Variants in CDH20 observed in about 807,000 individuals in gnomAD.
CDH20 encodes cadherin 20.
In CDH20, 29 loss-of-function variants were observed where a neutral mutation model predicts 74.2. The observed-to-expected ratio is 0.39, with a 90% CI of 0.29 to 0.53. The LOEUF (loss-of-function observed/expected upper bound fraction) is 0.53, where lower values mean the gene tolerates loss of function less well. CDH20 is among the 20% of genes least tolerant of loss of function. The pLI, the probability that CDH20 is intolerant of heterozygous loss-of-function variation, is 0.69. For synonymous variants in CDH20, 469 were observed against 405.4 expected, an observed-to-expected ratio of 1.16 and a Z score of -1.88; for missense variants, 988 against 1,048.3, an observed-to-expected ratio of 0.94 and a Z score of 0.79.
At chr18:61,546,059 A>C (rs913954951) in intron 10 of CDH20, among the ~76,000 whole-genome samples, 3 of 152,172 alleles carry the variant, frequency 2.0e-5, no homozygotes, top group African/African-American at 4.8e-5. Flanking sequence ...AAAATAAGTT[A>C]AACTGTCAAA....
chr18:61,475,160 T>C (rs1910325965), intron 1 of CDH20, among the ~76,000 whole-genome samples: 1 of 152,040 alleles, frequency 6.6e-6, no homozygotes, highest in Non-Finnish European at 1.5e-5. Flanking sequence ...GCTGAAGGGA[T>C]GGAAGTTACA....
chr18:61,420,340 C>T (rs1912831921), intron 1 of CDH20, among the ~76,000 whole-genome samples: 1 of 147,640 alleles, frequency 6.8e-6, no homozygotes, highest in Admixed American at 6.8e-5. Flanking sequence ...ACATGTCATT[C>T]AGCCTGTCTT....
At chr18:61,473,525 G>A (rs906249527) in intron 1 of CDH20, among the ~76,000 whole-genome samples, 1 of 140,850 alleles carries the variant, frequency 7.1e-6, no homozygotes, top group East Asian at 2.0e-4. Flanking sequence ...GGGATTATAG[G>A]GGAAAAAATA....
intron 6 of CDH20, among the ~76,000 whole-genome samples, chr18:61,517,707 G>GTTGTT (rs1555682492): frequency 5.9e-5 from 9 of 151,646 alleles, no homozygotes; most frequent in African/African-American, 2.2e-4. Context: ...TGTTGTTGTT[G>GTTGTT]TTGTTTTGTT....
chr18:61,478,970 T>C (rs1910491887), intron 1 of CDH20, among the ~76,000 whole-genome samples: 2 of 151,826 alleles, frequency 1.3e-5, no homozygotes, highest in Non-Finnish European at 2.9e-5. Flanking sequence ...AATATAATAG[T>C]CTCAAGTTTT....
At chr18:61,362,295 G>T (rs1168464918) in intron 1 of CDH20, among the ~76,000 whole-genome samples, 2 of 152,002 alleles carry the variant, frequency 1.3e-5, no homozygotes, top group African/African-American at 2.4e-5. Context: ...CCCCTTTTCT[G>T]CATTATACAT....
chr18:61,393,166 T>C (rs1911850814), intron 1 of CDH20, among the ~76,000 whole-genome samples: 1 of 152,214 alleles, frequency 6.6e-6, no homozygotes, highest in South Asian at 2.1e-4. Context: ...GTTCCTAAGA[T>C]AGTCTCACTT....
At chr18:61,398,028 C>G (rs928381088) in intron 1 of CDH20, among the ~76,000 whole-genome samples, 2 of 152,212 alleles carry the variant, frequency 1.3e-5, no homozygotes, top group Non-Finnish European at 2.9e-5. Flanking sequence ...GCTCTGCTAG[C>G]TAAGTCAGAG....
intron 1 of CDH20, among the ~76,000 whole-genome samples, chr18:61,389,766 C>T (rs1254288937): frequency 1.3e-5 from 2 of 152,036 alleles, no homozygotes; most frequent in Non-Finnish European, 2.9e-5. Context: ...TGTACCTGGG[C>T]CCACTCTTTC....
intron 1 of CDH20, among the ~76,000 whole-genome samples, chr18:61,482,152 T>G (rs1910610986): frequency 6.6e-6 from 1 of 152,102 alleles, no homozygotes; most frequent in Non-Finnish European, 1.5e-5. Flanking sequence ...TGAGGTGTGC[T>G]CTAAGAAAAA....
chr18:61,373,278 G>A (rs1008340921), intron 1 of CDH20, among the ~76,000 whole-genome samples: 3 of 151,562 alleles, frequency 2.0e-5, no homozygotes, highest in Non-Finnish European at 4.4e-5. Context: ...TCTACTTTGG[G>A]GTTTTGTTTT....
chr18:61,417,366 G>T (rs1912720171), intron 1 of CDH20, among the ~76,000 whole-genome samples: 1 of 151,868 alleles, frequency 6.6e-6, no homozygotes, highest in Admixed American at 6.6e-5. Flanking sequence ...GTTCACAATA[G>T]CCAAGATAAG....
intron 1 of CDH20, among the ~76,000 whole-genome samples, chr18:61,393,256 C>A (rs1911853859): frequency 6.6e-6 from 1 of 152,122 alleles, no homozygotes. Flanking sequence ...CTAGGCTTTC[C>A]ACACCACACT....
chr18:61,394,148 C>T (rs1373121504), intron 1 of CDH20, among the ~76,000 whole-genome samples: 3 of 152,014 alleles, frequency 2.0e-5, no homozygotes, highest in Non-Finnish European at 4.4e-5. Context: ...TTGTATGTTC[C>T]CTGCTATACC....
At chr18:61,526,474 G>C (rs1912419184) in intron 6 of CDH20, among the ~76,000 whole-genome samples, 2 of 152,102 alleles carry the variant, frequency 1.3e-5, no homozygotes, top group South Asian at 4.1e-4. Flanking sequence ...GTGATGTTTA[G>C]CTAGAAAAAT....
chr18:61,443,616 C>G (rs912214204), intron 1 of CDH20, among the ~76,000 whole-genome samples: 12 of 152,062 alleles, frequency 7.9e-5, no homozygotes, highest in Non-Finnish European at 1.3e-4. Flanking sequence ...GACAGGGAGC[C>G]CACAAAAGAA....
intron 1 of CDH20, among the ~76,000 whole-genome samples, chr18:61,416,379 T>TATATACTCCACCTAA (rs1250918719): frequency 1.3e-5 from 2 of 152,230 alleles, no homozygotes; most frequent in Non-Finnish European, 2.9e-5. Context: ...TGTGTCCCTT[T>TATATACTCCACCTAA]ATATACTCCA....
chr18:61,544,452 G>T (rs1349519591), intron 9 of CDH20, among the ~76,000 whole-genome samples: 1 of 152,240 alleles, frequency 6.6e-6, no homozygotes, highest in Non-Finnish European at 1.5e-5. Context: ...GATCACACAT[G>T]GGCTGGAAGG....
chr18:61,531,627 G>A lies in CDH20; in HGVS notation c.1271+3407G>A, dbSNP rs9946479. Among the ~76,000 whole-genome samples, 555 of 152,188 alleles carry A rather than the reference G, an allele frequency of 3.6e-3. 2 individuals carry two copies. The highest frequency in any genetic ancestry group is 0.013 in the African/African-American group (534 of 41,524). ...TTCTTTATTAAAAAGGCAACTATTC[G>A]CTGTCACTCTGATGTGATCTGGCTC... is the stretch of plus-strand genomic sequence containing the variant. On this transcript the variant is annotated intron_variant, in intron 7 of 11. Transcript: ENST00000262717.
Sources: allele counts gnomAD v4.1 joint callset (sites outside exome capture counted in the v4.1 genomes callset), GRCh38; gene constraint gnomAD v4.1.1; transcripts MANE v1.5; gene names NCBI Gene and HGNC (gene_info 2026-07-23, HGNC 2026-07-21).